Variants in GULP1 observed in about 807,000 individuals in gnomAD.
GULP1 encodes PTB domain-containing engulfment adapter protein 1.
GULP1 carries 19 observed loss-of-function variants against 40.9 expected under a neutral mutation model. The ratio of observed to expected loss-of-function variants is 0.46; its 90% CI spans 0.32 to 0.68. The LOEUF is 0.68. GULP1 is among the 30% of genes least tolerant of loss of function. The pLI, the probability that GULP1 is intolerant of heterozygous loss-of-function variation, is 0.03. For synonymous variants in GULP1, 119 were observed against 117.6 expected (o/e 1.01, Z -0.08); for missense variants, 312 against 362.2 (o/e 0.86, Z 1.12).
chr2:188,504,077 A>C (rs2063689719), intron 4 of GULP1, among the ~76,000 whole-genome samples: 1 of 151,910 alleles, frequency 6.6e-6, no homozygotes, highest in Admixed American at 6.6e-5. Context: ...GTATCTCAAA[A>C]GTAATGCTAA....
chr2:188,477,902 C>T (rs2061145500), intron 3 of GULP1, among the ~76,000 whole-genome samples, 172 bp downstream of exon 3: 1 of 152,128 alleles, frequency 6.6e-6, no homozygotes, highest in African/African-American at 2.4e-5. Context: ...CCTTAGTTAT[C>T]ACCCTAGTGA....
intron 2 of GULP1, among the ~76,000 whole-genome samples, chr2:188,455,086 C>T (rs1661270776): frequency 6.6e-6 from 1 of 152,032 alleles, no homozygotes; most frequent in Non-Finnish European, 1.5e-5. Context: ...GAGTTATGAT[C>T]ATGCCACTGT....
chr2:188,524,331 A>T (rs1312879228), intron 5 of GULP1, among the ~76,000 whole-genome samples: 2 of 152,142 alleles, frequency 1.3e-5, no homozygotes, highest in Non-Finnish European at 2.9e-5. Context: ...ATGTATTTCT[A>T]TGGAGTTTCA....
In GULP1 at chr2:188,502,630, A is replaced by G. The variant is rs146639840; in HGVS notation, c.90+19138A>G. 3.8e-3 allele frequency among the ~76,000 whole-genome samples: 578 copies of G among 152,014 alleles called. 5 individuals are homozygous for G. Among genetic ancestry groups the G allele is most frequent in the African/African-American group, 0.013 (545 of 41,520 alleles). On this transcript the variant is annotated intron_variant, in intron 4 of 11. Transcript: ENST00000409830. Reference sequence around the variant, plus strand: ...ACAGGTCCCACAATGTGTGACACAGAGTAGGTGACTAATATATGTTAGAAA... The same window carrying G: ...ACAGGTCCCACAATGTGTGACACAGGGTAGGTGACTAATATATGTTAGAAA...
At position 188,584,302 on chromosome 2, in the gene GULP1, T is replaced by A. The variant is rs769102592; in HGVS notation, c.647T>A (p.Ile216Asn). ...ACACCTAAGTCGCCCTCCACTGACA[T>A]CTTTGATATGATTCCATTTTCTCCA... Reference protein sequence around the residue: ...SMTPKSPSTDIFDMIPFSPIS... With the variant: ...SMTPKSPSTDNFDMIPFSPIS... The change falls in exon 10 of 12, where the codon ATC (isoleucine) becomes AAC (asparagine). Residue 216 changes from isoleucine (I) to asparagine (N), a missense_variant. Transcript: ENST00000409830. 6.2e-7 allele frequency: 1 copy of A among 1,609,368 alleles called. No individual in the cohort carries two copies. Among genetic ancestry groups the A allele is most frequent in the Admixed American group, 1.7e-5 (1 of 59,996 alleles).
At chr2:188,589,741 G>T in intron 11 of GULP1, 1 of 1,387,232 alleles carries the variant, frequency 7.2e-7, no homozygotes, top group Non-Finnish European at 9.6e-7. Flanking sequence ...GGTGGGTAGC[G>T]CCAGAGATGG....
intron 4 of GULP1, among the ~76,000 whole-genome samples, chr2:188,494,546 G>C (rs1176199592): frequency 6.6e-6 from 1 of 151,910 alleles, no homozygotes; most frequent in African/African-American, 2.4e-5. Context: ...AACTGCTATA[G>C]GCCACCGTCA....
intron 2 of GULP1, among the ~76,000 whole-genome samples, chr2:188,446,150 T>A (rs2058365499): frequency 6.6e-6 from 1 of 152,166 alleles, no homozygotes; most frequent in African/African-American, 2.4e-5. Context: ...CTAGAAAGTC[T>A]TTTTTCATGC....
At chr2:188,553,319 G>A (rs376255799) in intron 7 of GULP1, among the ~76,000 whole-genome samples, 1 of 151,912 alleles carries the variant, frequency 6.6e-6, no homozygotes, top group African/African-American at 2.4e-5. Context: ...GTGTGGATTT[G>A]TTATTTTATG....
intron 1 of GULP1, among the ~76,000 whole-genome samples, chr2:188,339,197 C>T (rs75856094): frequency 0.076 from 11,584 of 152,194 alleles, 604 homozygotes; most frequent in Non-Finnish European, 0.1. Context: ...TTAAAAGCAG[C>T]TCACTTTGAA....
At chr2:188,339,163 T>C (rs955377799) in intron 1 of GULP1, among the ~76,000 whole-genome samples, 2 of 152,236 alleles carry the variant, frequency 1.3e-5, no homozygotes, top group African/African-American at 4.8e-5. Context: ...AAAGGCCAGT[T>C]TTCTATGATA....
intron 1 of GULP1, among the ~76,000 whole-genome samples, chr2:188,317,117 G>A (rs979612077): frequency 1.6e-4 from 24 of 152,068 alleles, no homozygotes; most frequent in African/African-American, 5.1e-4. Context: ...CAGAAAACAA[G>A]CCAAACTCTC....
At chr2:188,559,577 C>T (rs534251684) in intron 7 of GULP1, among the ~76,000 whole-genome samples, 1 of 152,262 alleles carries the variant, frequency 6.6e-6, no homozygotes, top group African/African-American at 2.4e-5. Context: ...TTTACAGGCT[C>T]ATAGGCAGAA....
In GULP1 at chr2:188,418,098, G is replaced by A. The variant is rs141429706; in HGVS notation, c.-45+34209G>A. Among the ~76,000 whole-genome samples the A allele has an allele frequency of 7.9e-5, 12 of 152,032 alleles. No individual in the cohort carries two copies. The East Asian group carries it at 2.3e-3, about 29-fold the overall frequency. On this transcript the variant is annotated intron_variant, in intron 2 of 11. Coordinates refer to ENST00000409830, the MANE Select transcript of GULP1 (RefSeq NM_016315.4). ...TATAGTTTTAAGACTATAGGTGTGA[G>A]CCACCACATACAGTCTGTTTTTATT...
intron 1 of GULP1, among the ~76,000 whole-genome samples, chr2:188,321,067 A>T (rs1003967732): frequency 6.6e-6 from 1 of 152,134 alleles, no homozygotes; most frequent in African/African-American, 2.4e-5. Flanking sequence ...TTTCCTGTTG[A>T]CTTTAAAAGG....
chr2:188,458,905 T>C (rs2059487475), intron 2 of GULP1, among the ~76,000 whole-genome samples: 1 of 152,094 alleles, frequency 6.6e-6, no homozygotes, highest in Non-Finnish European at 1.5e-5. Flanking sequence ...GGTTAAATTG[T>C]TTTGATTTTT....
intron 2 of GULP1, among the ~76,000 whole-genome samples, chr2:188,474,354 T>A (rs1023638554): frequency 6.6e-6 from 1 of 152,158 alleles, no homozygotes. Flanking sequence ...TCCAGTTTAT[T>A]TGGAGCCCCA....
chr2:188,454,963 A>G (rs2059141353), intron 2 of GULP1, among the ~76,000 whole-genome samples: 1 of 152,084 alleles, frequency 6.6e-6, no homozygotes, highest in South Asian at 2.1e-4. Context: ...ATCTGTACAA[A>G]AATAAAAATA....
chr2:188,330,055 C>T (rs181312589), intron 1 of GULP1, among the ~76,000 whole-genome samples: 2 of 152,084 alleles, frequency 1.3e-5, no homozygotes, highest in Admixed American at 6.5e-5. Context: ...ATTGAGGAGT[C>T]GTCATCATAT....
Sources: allele counts gnomAD v4.1 joint callset (sites outside exome capture counted in the v4.1 genomes callset), GRCh38; gene constraint gnomAD v4.1.1; transcripts MANE v1.5; gene names NCBI Gene and HGNC (gene_info 2026-07-23, HGNC 2026-07-21).